The following TMEM116 variants were observed in gnomAD, a reference collection of about 807,000 sequenced individuals.
TMEM116 encodes the protein transmembrane protein 116.
TMEM116 carries 38 observed loss-of-function variants against 44.3 expected under a neutral mutation model. That is an observed-to-expected ratio of 0.86 (90% CI 0.66 to 1.12). TMEM116 has a LOEUF of 1.12. TMEM116 is among the 50% of genes most tolerant of loss of function. The pLI, the probability that TMEM116 is intolerant of heterozygous loss-of-function variation, is 0.00. For missense variants in TMEM116, 354 were observed against 401.7 expected (o/e 0.88, Z 1.01); for synonymous variants, 132 against 144.8 (o/e 0.91, Z 0.64).
At chr12:111,967,608 T>G (rs2075054732) in intron 4 of TMEM116, among the ~76,000 whole-genome samples, 1 of 152,130 alleles carries the variant, frequency 6.6e-6, no homozygotes, top group South Asian at 2.1e-4. Context: ...TATCTGTCCC[T>G]GAGTTTTAGT....
intron 4 of TMEM116, among the ~76,000 whole-genome samples, chr12:111,974,482 T>C (rs1033989630): frequency 6.6e-6 from 1 of 151,884 alleles, no homozygotes; most frequent in Non-Finnish European, 1.5e-5. Flanking sequence ...AAACCCTGTC[T>C]CTACTAAAAA....
intron 8 of TMEM116, 187 bp downstream of exon 8, chr12:111,936,505 T>G (rs752242289): frequency 9.0e-6 from 5 of 557,964 alleles, no homozygotes; most frequent in Non-Finnish European, 1.5e-5. Context: ...CTCTCTCTTA[T>G]CATTTGATTT....
chr12:111,993,409 ATGAAGTCTT>A, intron 3 of TMEM116: 1 of 551,038 alleles, frequency 1.8e-6, no homozygotes, highest in South Asian at 1.4e-5. Context: ...TTTGGCTTTT[ATGAAGTCTT>A]TAAAGTCTTG....
intron 4 of TMEM116, among the ~76,000 whole-genome samples, chr12:111,988,496 A>C (rs2076354274): frequency 6.7e-6 from 1 of 150,040 alleles, no homozygotes; most frequent in Non-Finnish European, 1.5e-5. Context: ...GATTGAGACT[A>C]TCCTGGCTAA....
chr12:111,945,343 C>CA (rs917839133), intron 4 of TMEM116, among the ~76,000 whole-genome samples: 1,042 of 33,628 alleles, frequency 0.031, 65 homozygotes, highest in Middle Eastern at 0.062. Flanking sequence ...GACTCCATCT[C>CA]AAAAAAAAAA....
At chr12:111,992,483 A>G (rs1012598038) in intron 3 of TMEM116, among the ~76,000 whole-genome samples, 2 of 152,050 alleles carry the variant, frequency 1.3e-5, no homozygotes, top group African/African-American at 2.4e-5. Context: ...GTTAGCCAGG[A>G]CGGTCTCGAT....
intron 2 of TMEM116, 94 bp from the exon 3 acceptor site, chr12:112,003,957 G>A (rs2077429783): frequency 1.4e-6 from 2 of 1,391,530 alleles, no homozygotes; most frequent in Non-Finnish European, 1.8e-6. Flanking sequence ...CAGTTTTATT[G>A]GCATAATTGA....
rs9788216 is a variant in TMEM116, at chr12:112,003,937, G to T, written c.15-74C>A. 39,674 of 1,409,646 alleles carry T rather than the reference G, an allele frequency of 0.028. 7,789 individuals are homozygous for T. The East Asian group carries it at 0.63, about 22-fold the overall frequency. The allele number at this position is 1,409,646 out of a possible 1,614,324, so 87.3% of individuals were successfully genotyped here. On this transcript the variant is annotated intron_variant, in intron 2 of 10. Transcript: ENST00000552374. ...CCATCGTTTTTGTTATTAATTTTGG[G>T]TTTTTTTTACAGTTTTATTGGCATA... is the stretch of plus-strand genomic sequence containing the variant.
At chr12:112,006,459 T>C (rs1274274994) in intron 1 of TMEM116, among the ~76,000 whole-genome samples, 2 of 152,244 alleles carry the variant, frequency 1.3e-5, no homozygotes, top group Non-Finnish European at 2.9e-5. Flanking sequence ...AGAGATTGCA[T>C]ATTCACTCAG....
At chr12:111,963,475 A>G (rs1043035232) in intron 4 of TMEM116, among the ~76,000 whole-genome samples, 1 of 152,250 alleles carries the variant, frequency 6.6e-6, no homozygotes, top group African/African-American at 2.4e-5. Flanking sequence ...CATATACACT[A>G]TGGAACACTA....
intron 4 of TMEM116, among the ~76,000 whole-genome samples, chr12:111,964,662 G>A (rs2074864519): frequency 1.3e-5 from 2 of 152,024 alleles, no homozygotes; most frequent in Non-Finnish European, 2.9e-5. Context: ...CCAAAGTGTG[G>A]CAACAGTTTA....
intron 3 of TMEM116, among the ~76,000 whole-genome samples, chr12:111,992,309 G>A (rs796894051): frequency 2.4e-4 from 35 of 147,500 alleles, no homozygotes; most frequent in African/African-American, 8.3e-4. Flanking sequence ...TCGCTCTGTC[G>A]CCCAGGCTAG....
In TMEM116 at chr12:111,969,406, A is replaced by T. The variant is rs71442746; in HGVS notation, c.210+22352T>A. 3.8e-3 allele frequency among the ~76,000 whole-genome samples: 543 copies of T among 143,936 alleles called. 2 individuals are homozygous for T. The highest frequency in any genetic ancestry group is 5.9e-3 in the Non-Finnish European group (385 of 65,472). The allele number at this position is 143,936 out of a possible 152,430, so 94.4% of individuals were successfully genotyped here. ...AATGGATGAGTTTTTTTGTTTATTT[A>T]TTTTTTTTTTTTGAGATACACTCTG... is the stretch of plus-strand genomic sequence containing the variant. On this transcript the variant is annotated intron_variant, in intron 4 of 10. Transcript: ENST00000552374.
intron 3 of TMEM116, among the ~76,000 whole-genome samples, chr12:111,998,391 C>T (rs11066120): frequency 0.14 from 21,480 of 152,116 alleles, 1,909 homozygotes; most frequent in African/African-American, 0.25. Flanking sequence ...CTTGGCTTCT[C>T]GACTCCAATT....
intron 4 of TMEM116, among the ~76,000 whole-genome samples, chr12:111,948,246 C>T (rs558257068): frequency 3.3e-5 from 5 of 152,294 alleles, no homozygotes; most frequent in South Asian, 2.1e-4. Flanking sequence ...GGAGGGCTAC[C>T]GTGCCCATCC....
intron 5 of TMEM116, among the ~76,000 whole-genome samples, chr12:111,940,559 ATATGTGTG>A (rs2072719228): frequency 2.4e-4 from 30 of 126,162 alleles, no homozygotes; most frequent in African/African-American, 8.2e-4. Flanking sequence ...ACACACATAT[ATATGTGTG>A]TATATATATA....
At chr12:111,975,638 T>G (rs2075625503) in intron 4 of TMEM116, among the ~76,000 whole-genome samples, 1 of 152,182 alleles carries the variant, frequency 6.6e-6, no homozygotes, top group Non-Finnish European at 1.5e-5. Flanking sequence ...GCAAAGAGCT[T>G]AGAAGTCACC....
intron 4 of TMEM116, among the ~76,000 whole-genome samples, chr12:111,988,669 A>T (rs2076365385): frequency 6.8e-6 from 1 of 146,666 alleles, no homozygotes; most frequent in South Asian, 2.2e-4. Context: ...ACTGCACTCC[A>T]GCCTGGTGAC....
chr12:111,995,272 T>C (rs1176581876), intron 3 of TMEM116, among the ~76,000 whole-genome samples: 2 of 152,110 alleles, frequency 1.3e-5, no homozygotes, highest in African/African-American at 2.4e-5. Context: ...AAAATGAAAA[T>C]AGCCCAAATT....
Sources: allele counts gnomAD v4.1 joint callset (sites outside exome capture counted in the v4.1 genomes callset), GRCh38; gene constraint gnomAD v4.1.1; transcripts MANE v1.5; gene names NCBI Gene and HGNC (gene_info 2026-07-23, HGNC 2026-07-21).